ZNF548: variants seen among roughly 807,000 people sequenced by gnomAD.
ZNF548 encodes zinc finger protein 548.
In ZNF548, 10 loss-of-function variants were observed where a neutral mutation model predicts 10.2. The ratio of observed to expected loss-of-function variants is 0.98; its 90% CI spans 0.60 to 1.66. The LOEUF (loss-of-function observed/expected upper bound fraction) is 1.66. Among genes scored for constraint, ZNF548 ranks in the 40% most tolerant of loss-of-function variants. The pLI is 0.00. For missense variants in ZNF548, 599 were observed against 657.0 expected (o/e 0.91, Z 0.97); for synonymous variants, 217 against 223.5 (o/e 0.97, Z 0.26).
In ZNF548 at chr19:57,395,980, CTTTGGTG is replaced by C. The variant is rs1006483744; in HGVS notation, c.52-1065_52-1059del. 4.0e-5 allele frequency among the ~76,000 whole-genome samples: 6 copies of C among 151,472 alleles called. No individual in the cohort carries two copies. Among genetic ancestry groups the C allele is most frequent in the African/African-American group, 1.5e-4 (6 of 41,158 alleles). On this transcript the variant is annotated intron_variant, in intron 2 of 3. Transcript: ENST00000336128. The surrounding 1 kb of genome is among the most constrained non-coding windows in gnomAD (Gnocchi z 4.8). ...TAGGGCTGCCCCCGGTGCTAGGGGA[CTTTGGTG>C]TTCTGGGGCAGGACTGGGAATGAAT...
chr19:57,393,769 A>G (rs1172804369), intron 1 of ZNF548, among the ~76,000 whole-genome samples: 2 of 151,316 alleles, frequency 1.3e-5, no homozygotes, highest in African/African-American at 4.9e-5. Context: ...ATGTTAATTT[A>G]TCTCGTTTGC....
At chr19:57,397,319 C>A in intron 3 of ZNF548, 145 bp downstream of exon 3, 1 of 1,288,182 alleles carries the variant, frequency 7.8e-7, no homozygotes, top group Non-Finnish European at 1.0e-6. Flanking sequence ...GGAGGCAGGG[C>A]TGGGCCGTGT....
intron 2 of ZNF548, 168 bp from the exon 3 acceptor site, chr19:57,396,880 C>T (rs1404078383): frequency 3.0e-6 from 3 of 991,832 alleles, no homozygotes; most frequent in South Asian, 2.0e-5. Context: ...GAAATATTGG[C>T]TTGGTTTGAG....
In ZNF548 at chr19:57,398,911, C is replaced by T; in HGVS notation, c.660C>T (p.Cys220=). ...GTGAATGTGGGAAAACCTTCACCTGCAGCTATTCATTTGTTGAGCACCAGA... is the reference window on the plus strand; with the variant it reads ...GTGAATGTGGGAAAACCTTCACCTGTAGCTATTCATTTGTTGAGCACCAGA... The part of the protein sequence containing the change: ...KCSECGKTFT[C]SYSFVEHQKI... The change falls in exon 4 of 4, where the codon TGC becomes TGT. Residue 220 remains cysteine, a synonymous_variant. Transcript: ENST00000336128. 1 of 1,614,040 alleles carries T rather than the reference C, an allele frequency of 6.2e-7. No individual in the cohort carries two copies. The highest frequency in any genetic ancestry group is 1.1e-5 in the South Asian group (1 of 91,084).
intron 3 of ZNF548, chr19:57,397,483 G>C (rs749352422): frequency 4.9e-6 from 2 of 404,564 alleles, no homozygotes; most frequent in Non-Finnish European, 8.7e-6. Context: ...CATGAGACCT[G>C]TGTTCTGTTG....
chr19:57,392,731 T>C (rs2088635765), intron 1 of ZNF548: 3 of 979,934 alleles, frequency 3.1e-6, no homozygotes, highest in Admixed American at 6.1e-5. Context: ...TTTTGGTTAC[T>C]AACAACTTGT....
rs908252947 is a variant in ZNF548, at chr19:57,389,907, A to G, written c.-193A>G. The G allele has an allele frequency of 1.7e-6, 1 of 602,294 alleles. No individual in the cohort carries two copies. The highest frequency in any genetic ancestry group is 2.8e-6 in the Non-Finnish European group (1 of 361,286). 37.3% of individuals were successfully genotyped at this position (602,294 alleles called of 1,614,324 possible). ...TCGTTTTGGTTCTGTGTGGTGTTTCACCAACTTCGGCCTATGGCTCTGTCT... is the reference window on the plus strand; with the variant it reads ...TCGTTTTGGTTCTGTGTGGTGTTTCGCCAACTTCGGCCTATGGCTCTGTCT... On this transcript the variant is annotated 5_prime_UTR_variant, in exon 1 of 4. Transcript: ENST00000336128.
chr19:57,397,175 G>C lies in ZNF548; in HGVS notation c.178+1G>C. On this transcript the variant is annotated splice_donor_variant, in intron 3 of 3. Coordinates refer to ENST00000336128, the MANE Select transcript of ZNF548 (RefSeq NM_001172773.2). LOFTEE classifies it high-confidence loss of function. ...AATTTGGCCCTTTTGTCCTCACTAG[G>C]TAAGGCCCTCACACTTGCCCAGTGT... 1 of 1,602,016 alleles carries C rather than the reference G, an allele frequency of 6.2e-7. No homozygotes were observed. The highest frequency in any genetic ancestry group is 8.5e-7 in the Non-Finnish European group (1 of 1,173,248).
intron 3 of ZNF548, 45 bp downstream of exon 3, chr19:57,397,219 A>AC (rs1182467871): frequency 6.7e-7 from 1 of 1,501,828 alleles, no homozygotes; most frequent in Non-Finnish European, 8.9e-7. Context: ...AGGCTGTGTT[A>AC]CCCCTTTTTA....
chr19:57,395,806 T>G lies in ZNF548; in HGVS notation c.52-1242T>G, dbSNP rs949768933. ...TGCAGCTGGGCTTGGAATGAGGTTT[T>G]GGTGGAGAGCAATTTTCCTGACTGT... On this transcript the variant is annotated intron_variant, in intron 2 of 3. Transcript: ENST00000336128. The surrounding 1 kb of genome is among the most constrained non-coding windows in gnomAD (Gnocchi z 4.8). Among the ~76,000 whole-genome samples the G allele has an allele frequency of 1.1e-4, 16 of 152,104 alleles. No homozygotes were observed. The highest frequency in any genetic ancestry group is 2.1e-4 in the Non-Finnish European group (14 of 68,010).
Position 57,398,455 on chromosome 19 carries a change from G to T in ZNF548, c.204G>T (p.Glu68Asp). The T allele has an allele frequency of 6.2e-7, 1 of 1,614,002 alleles. No individual in the cohort carries two copies. The highest frequency in any genetic ancestry group is 1.1e-5 in the South Asian group (1 of 91,082). The change falls in exon 4 of 4, where the codon GAG becomes GAT. Residue 68 changes from glutamate to aspartate, a missense_variant. Glu to Asp is a conservative substitution (Grantham distance 45). Transcript: ENST00000336128. ...SLGSWHGAED[E>D]EAPSQQGFSV... ...GTTCTTGGCATGGAGCTGAGGATGA[G>T]GAGGCACCTTCACAGCAAGGTTTTT...
chr19:57,396,879 G>A, intron 2 of ZNF548, 169 bp from the exon 3 acceptor site: 2 of 971,590 alleles, frequency 2.1e-6, no homozygotes, highest in East Asian at 2.6e-5. Context: ...GGAAATATTG[G>A]CTTGGTTTGA....
chr19:57,392,900 C>T, intron 1 of ZNF548: 1 of 985,494 alleles, frequency 1.0e-6, no homozygotes, highest in South Asian at 4.7e-5. Context: ...GCAGACCTGG[C>T]ATAACAGGGA....
intron 1 of ZNF548, among the ~76,000 whole-genome samples, chr19:57,393,388 TG>T (rs2088640562): frequency 6.6e-6 from 1 of 151,886 alleles, no homozygotes; most frequent in Non-Finnish European, 1.5e-5. Context: ...GAGCCGGGTG[TG>T]GTGGCTCACA....
intron 2 of ZNF548, among the ~76,000 whole-genome samples, chr19:57,396,419 A>G (rs779011410): frequency 6.6e-6 from 1 of 152,210 alleles, no homozygotes; most frequent in African/African-American, 2.4e-5. Context: ...AAAGTCACTC[A>G]TGCCACCTGG....
In ZNF548 at chr19:57,389,909, C is replaced by G. The variant is rs543903407; in HGVS notation, c.-191C>G. 442 of 609,410 alleles carry G rather than the reference C, an allele frequency of 7.3e-4. 3 individuals carry two copies. Among genetic ancestry groups the G allele is most frequent in the Non-Finnish European group, 1.9e-4 (68 of 367,522 alleles). 37.8% of individuals were successfully genotyped at this position (609,410 alleles called of 1,614,324 possible). A position where few individuals can be genotyped will look rare whatever the true frequency, so the allele number is the denominator to read the frequency against. On this transcript the variant is annotated 5_prime_UTR_variant, in exon 1 of 4. Transcript: ENST00000336128. ...GTTTTGGTTCTGTGTGGTGTTTCAC[C>G]AACTTCGGCCTATGGCTCTGTCTGA...
intron 1 of ZNF548, 123 bp downstream of exon 1, chr19:57,390,237 G>C: frequency 8.8e-7 from 1 of 1,134,366 alleles, no homozygotes. Context: ...TGGGGTCCCC[G>C]TATCAGCCGA....
intron 2 of ZNF548, 33 bp downstream of exon 2, chr19:57,394,256 C>T: frequency 6.3e-7 from 1 of 1,594,710 alleles, no homozygotes; most frequent in East Asian, 2.2e-5. Context: ...TTCACCCACC[C>T]TGGTTATCTC....
chr19:57,401,383 CCTAAA>C lies in ZNF548; in HGVS notation c.*1498_*1502del, dbSNP rs1257401186. ...CAGACATTTTTTCTTGTCATTATTC[CCTAAA>C]CTATATAGTATAATAAATATTTACA... is the stretch of plus-strand genomic sequence containing the variant. On this transcript the variant is annotated 3_prime_UTR_variant, in exon 4 of 4. Transcript: ENST00000336128. 2 of 152,070 alleles carry C rather than the reference CCTAAA, an allele frequency of 1.3e-5. No individual in the cohort carries two copies. Among genetic ancestry groups the C allele is most frequent in the Non-Finnish European group, 2.9e-5 (2 of 68,006 alleles). 9.4% of individuals were successfully genotyped at this position (152,070 alleles called of 1,614,324 possible).
Sources: allele counts gnomAD v4.1 joint callset (sites outside exome capture counted in the v4.1 genomes callset), GRCh38; gene constraint gnomAD v4.1.1; non-coding constraint Gnocchi (gnomAD v3.1); transcripts MANE v1.5; gene names NCBI Gene and HGNC (gene_info 2026-07-23, HGNC 2026-07-21).